Variants in ZNF541 observed in about 807,000 individuals in gnomAD.
ZNF541 encodes the protein zinc finger protein 541.
Under a neutral mutation model 123.5 loss-of-function variants are expected in ZNF541, and 23 were observed. The observed-to-expected ratio is 0.19, with a 90% CI of 0.13 to 0.26. The LOEUF (loss-of-function observed/expected upper bound fraction) is 0.26, where lower values mean the gene tolerates loss of function less well. ZNF541 is among the 10% of genes least tolerant of loss of function. The pLI is 1.00. For synonymous variants in ZNF541, 751 were observed against 754.5 expected (o/e 1.00, Z 0.08); for missense variants, 1,612 against 1,789.9 (o/e 0.90, Z 1.79).
At chr19:47,528,924 T>G in intron 14 of ZNF541, 26 bp downstream of exon 14, 2 of 1,539,438 alleles carry the variant, frequency 1.3e-6, no homozygotes. Flanking sequence ...GGCAGGGCCT[T>G]GGACACCAGC....
At chr19:47,529,076 G>C in intron 13 of ZNF541, 38 bp from the exon 14 acceptor site, 3 of 1,460,130 alleles carry the variant, frequency 2.1e-6, no homozygotes, top group Non-Finnish European at 1.9e-6. Flanking sequence ...AAGGCCATTT[G>C]TCCTGGGACC....
chr19:47,548,051 A>AAC (rs1555774739), intron 4 of ZNF541, among the ~76,000 whole-genome samples: 2 of 149,018 alleles, frequency 1.3e-5, no homozygotes, highest in Admixed American at 6.9e-5. Context: ...AAAAAAAAAA[A>AAC]AGGAAATTTT....
intron 2 of ZNF541, among the ~76,000 whole-genome samples, chr19:47,561,866 C>A (rs1281299362): frequency 6.6e-6 from 1 of 152,116 alleles, no homozygotes; most frequent in African/African-American, 2.4e-5. Flanking sequence ...ACAGTTACAA[C>A]CCACAATAAG....
intron 2 of ZNF541, among the ~76,000 whole-genome samples, chr19:47,559,876 T>G (rs2123340377): frequency 6.7e-6 from 1 of 148,610 alleles, no homozygotes; most frequent in East Asian, 2.0e-4. Flanking sequence ...AAATGGTGAC[T>G]GAAACCCAGT....
chr19:47,548,482 G>C (rs1244376536), intron 4 of ZNF541, among the ~76,000 whole-genome samples: 1 of 151,554 alleles, frequency 6.6e-6, no homozygotes, highest in Non-Finnish European at 1.5e-5. Context: ...GAAAAACAAG[G>C]GTTAATTCTC....
chr19:47,542,321 C>T (rs1161192735), intron 5 of ZNF541, among the ~76,000 whole-genome samples: 2 of 152,104 alleles, frequency 1.3e-5, no homozygotes, highest in African/African-American at 4.8e-5. Context: ...GTTGCACGAT[C>T]TTGTGAATAT....
intron 2 of ZNF541, among the ~76,000 whole-genome samples, chr19:47,563,021 C>G (rs925558372): frequency 6.6e-6 from 1 of 152,196 alleles, no homozygotes; most frequent in African/African-American, 2.4e-5. Context: ...GACTAGATTT[C>G]TAGGCCACCA....
intron 4 of ZNF541, among the ~76,000 whole-genome samples, chr19:47,548,950 G>A (rs1970479451): frequency 6.6e-6 from 1 of 151,844 alleles, no homozygotes; most frequent in Non-Finnish European, 1.5e-5. Context: ...GTGGTGGCGG[G>A]CGCTTGTAAT....
chr19:47,557,067 A>G (rs150138964), intron 2 of ZNF541, among the ~76,000 whole-genome samples: 2 of 152,268 alleles, frequency 1.3e-5, no homozygotes, highest in African/African-American at 4.8e-5. Flanking sequence ...CTGGAATGGT[A>G]ATATTTTCCA....
intron 3 of ZNF541, among the ~76,000 whole-genome samples, chr19:47,554,588 G>C (rs370159642): frequency 6.6e-6 from 1 of 152,160 alleles, no homozygotes; most frequent in South Asian, 2.1e-4. Context: ...AAAGACACTG[G>C]GGTCTAAGAA....
intron 3 of ZNF541, 60 bp downstream of exon 3, chr19:47,555,490 G>C: frequency 3.4e-6 from 5 of 1,459,146 alleles, no homozygotes; most frequent in Non-Finnish European, 2.7e-6. Flanking sequence ...TCAGTCCCTA[G>C]CTGGCCACAG....
intron 14 of ZNF541, among the ~76,000 whole-genome samples, chr19:47,523,503 C>T (rs1272730977): frequency 6.6e-6 from 1 of 152,138 alleles, no homozygotes; most frequent in East Asian, 1.9e-4. Flanking sequence ...ACAGCACAAA[C>T]TCTGCCTAAG....
intron 2 of ZNF541, among the ~76,000 whole-genome samples, chr19:47,565,508 G>A (rs1038029865): frequency 2.0e-5 from 3 of 151,980 alleles, no homozygotes; most frequent in Admixed American, 1.3e-4. Context: ...TAATGCCTTC[G>A]GGCTCTACTA....
chr19:47,552,476 A>G (rs1026368991), intron 3 of ZNF541, among the ~76,000 whole-genome samples: 1 of 152,050 alleles, frequency 6.6e-6, no homozygotes, highest in African/African-American at 2.4e-5. Context: ...ACAAGGAAAA[A>G]CCGGGCTCCC....
chr19:47,559,715 T>C (rs867971943), intron 2 of ZNF541, among the ~76,000 whole-genome samples: 68 of 152,048 alleles, frequency 4.5e-4, no homozygotes, highest in African/African-American at 1.5e-3. Context: ...CTGGGTGTGG[T>C]AGTGCACGCC....
rs1970315513 is a variant in ZNF541 at position 47,545,651 on chromosome 19, G to A, written c.878C>T (p.Ala293Val). ...TTCGCTGTCTGAAGCCCCCGCCGGG[G>A]CTGGGCCAGGAGAAGGGGTCTTCTG... is the stretch of plus-strand genomic sequence containing the variant. ...VHQKTPSPGP[A>V]PAGASDSEGR... Residue 293 changes from alanine to valine, a missense_variant, in exon 5 of 17, where the codon GCC (alanine) becomes GTC (valine). Physicochemically the swap from Ala to Val is moderately conservative, Grantham distance 64 (BLOSUM62 0). Around this residue, in one of 5 missense-constraint regions of ZNF541, gnomAD observed 1,080 missense variants for 1,013.8 expected, o/e 1.07. Coordinates refer to ENST00000391901, the MANE Select transcript of ZNF541 (RefSeq NM_001277075.3). This position sits in a 1 kb window ranked among gnomAD's most constrained non-coding sequence, Gnocchi z 7.5. 1.3e-6 allele frequency: 2 copies of A among 1,549,852 alleles called. No individual in the cohort carries two copies. Among genetic ancestry groups the A allele is most frequent in the Non-Finnish European group, 1.7e-6 (2 of 1,146,832 alleles).
At chr19:47,532,033 T>C (rs1446712672) in intron 11 of ZNF541, 95 bp downstream of exon 11, 1 of 1,472,864 alleles carries the variant, frequency 6.8e-7, no homozygotes, top group Non-Finnish European at 9.1e-7. Flanking sequence ...TACTTGGATC[T>C]AGCGGTCAGG....
rs1319255938 is a variant in ZNF541 at position 47,521,422 on chromosome 19, G to A, written c.3888-45C>T. The A allele has an allele frequency of 2.6e-6, 4 of 1,550,620 alleles. No individual in the cohort carries two copies. Among genetic ancestry groups the A allele is most frequent in the Non-Finnish European group, 3.5e-6 (4 of 1,146,092 alleles). On this transcript the variant is annotated intron_variant, in intron 16 of 16. Transcript: ENST00000391901. The surrounding 1 kb of genome is among the most constrained non-coding windows in gnomAD (Gnocchi z 4.2). The stretch of plus-strand genomic sequence containing the variant: ...CATGGGGTCAGAGCAGGGAGGAAGG[G>A]ATCACAGGGGCTGAGGCTGGGAGCC...
rs1017921630 is a variant in ZNF541 at position 47,521,084 on chromosome 19, C to T, written c.*140G>A. The T allele has an allele frequency of 2.6e-5, 28 of 1,077,934 alleles. No homozygotes were observed. Among genetic ancestry groups the T allele is most frequent in the Non-Finnish European group, 3.5e-5 (27 of 766,536 alleles). The allele number at this position is 1,077,934 out of a possible 1,614,324, so 66.8% of individuals were successfully genotyped here. ...CCTCCTGCCTATCTGTGGCCAAATG[C>T]CCTCCATGTTTGCAGGCAGGTTGGC... On this transcript the variant is annotated 3_prime_UTR_variant, in exon 17 of 17. Coordinates refer to ENST00000391901, the MANE Select transcript of ZNF541 (RefSeq NM_001277075.3). This position sits in a 1 kb window ranked among gnomAD's most constrained non-coding sequence, Gnocchi z 4.2.
Sources: allele counts gnomAD v4.1 joint callset (sites outside exome capture counted in the v4.1 genomes callset), GRCh38; gene constraint gnomAD v4.1.1; regional missense constraint gnomAD v4.1.1; non-coding constraint Gnocchi (gnomAD v3.1); transcripts MANE v1.5; gene names NCBI Gene and HGNC (gene_info 2026-07-23, HGNC 2026-07-21).